Variants in SNX30 observed in about 807,000 individuals in gnomAD.
SNX30 encodes the protein sorting nexin family member 30.
In SNX30, 24 loss-of-function variants were observed where a neutral mutation model predicts 46.4. The ratio of observed to expected loss-of-function variants is 0.52; its 90% CI spans 0.37 to 0.73. The LOEUF is 0.73. Ranked by LOEUF, SNX30 falls within the 30% of genes least tolerant of loss-of-function variation. SNX30 has a pLI of 0.00. For missense variants in SNX30, 533 were observed against 555.7 expected, an observed-to-expected ratio of 0.96 and a Z score of 0.41; for synonymous variants, 189 against 211.5, an observed-to-expected ratio of 0.89 and a Z score of 0.92.
chr9:112,783,322 CT>C (rs2131377950), intron 1 of SNX30, among the ~76,000 whole-genome samples: 1 of 152,310 alleles, frequency 6.6e-6, no homozygotes, highest in African/African-American at 2.4e-5. Flanking sequence ...GGTCTGTAAC[CT>C]GTTCTCTTAA....
chr9:112,844,527 G>C (rs563617456), intron 6 of SNX30, among the ~76,000 whole-genome samples: 2 of 152,272 alleles, frequency 1.3e-5, no homozygotes, highest in East Asian at 3.9e-4. Flanking sequence ...AATATTTATT[G>C]ATCTATCACC....
intron 7 of SNX30, among the ~76,000 whole-genome samples, chr9:112,857,431 T>G (rs1327120753): frequency 6.6e-6 from 1 of 152,112 alleles, no homozygotes; most frequent in Non-Finnish European, 1.5e-5. Flanking sequence ...GTGACCAGCC[T>G]GGGGGCTCTG....
chr9:112,820,646 T>A (rs1840477299), intron 3 of SNX30, among the ~76,000 whole-genome samples: 1 of 152,168 alleles, frequency 6.6e-6, no homozygotes, highest in African/African-American at 2.4e-5. Context: ...TCAAATCTTT[T>A]TATCACCCCA....
At chr9:112,830,692 A>G (rs750643463) in intron 3 of SNX30, 33 bp from the exon 4 acceptor site, 30 of 1,591,884 alleles carry the variant, frequency 1.9e-5, no homozygotes, top group South Asian at 6.9e-5. Flanking sequence ...CATCTCATCA[A>G]TTACTCTGGT....
intron 7 of SNX30, among the ~76,000 whole-genome samples, chr9:112,855,731 C>T (rs1249153104): frequency 6.6e-6 from 1 of 152,182 alleles, no homozygotes; most frequent in African/African-American, 2.4e-5. Flanking sequence ...GCTCAGCAGA[C>T]ACTGAGGTGG....
intron 6 of SNX30, among the ~76,000 whole-genome samples, chr9:112,839,453 G>A (rs141632018): frequency 5.3e-5 from 8 of 152,260 alleles, no homozygotes; most frequent in Non-Finnish European, 8.8e-5. Flanking sequence ...GTCTAGCAGC[G>A]GTGAATGAGA....
chr9:112,766,130 T>C (rs1839533723), intron 1 of SNX30, among the ~76,000 whole-genome samples: 1 of 152,166 alleles, frequency 6.6e-6, no homozygotes, highest in African/African-American at 2.4e-5. Context: ...AGATTTTAAG[T>C]ATAAAATACA....
intron 6 of SNX30, among the ~76,000 whole-genome samples, chr9:112,845,684 C>T (rs369178305): frequency 2.2e-4 from 33 of 152,244 alleles, no homozygotes; most frequent in African/African-American, 6.5e-4. Context: ...CTGGACGGGC[C>T]AAGAGAAGTG....
rs1200728361 is a variant in SNX30, at chr9:112,871,293, C to T, written c.*2450C>T. 6.6e-6 allele frequency: 1 copy of T among 152,128 alleles called. No individual in the cohort carries two copies. Among genetic ancestry groups the T allele is most frequent in the Non-Finnish European group, 1.5e-5 (1 of 68,026 alleles). 9.4% of individuals were successfully genotyped at this position (152,128 alleles called of 1,614,324 possible). On this transcript the variant is annotated 3_prime_UTR_variant, in exon 9 of 9. Transcript: ENST00000374232. ...TCCTTCCAGAGAAAGGATTCCTTCC[C>T]AGCCTCCAGGCTGGTGTCTCATGAG...
chr9:112,874,228 A>G lies in SNX30; in HGVS notation c.*5385A>G, dbSNP rs1841487990. 2 of 152,244 alleles carry G rather than the reference A, an allele frequency of 1.3e-5. No homozygotes were observed. The highest frequency in any genetic ancestry group is 2.9e-5 in the Non-Finnish European group (2 of 68,044). The allele number at this position is 152,244 out of a possible 1,614,324, so 9.4% of individuals were successfully genotyped here. ...GCTCTGTCATCTCGGCCTTTATCCA[A>G]TAACAAACCAGCATCTCTTAAAGGC... On this transcript the variant is annotated 3_prime_UTR_variant, in exon 9 of 9. Coordinates refer to ENST00000374232, the MANE Select transcript of SNX30 (RefSeq NM_001012994.2).
At position 112,808,041 on chromosome 9, in the gene SNX30, G is replaced by A. The variant is rs143492273; in HGVS notation, c.348+3074G>A. On this transcript the variant is annotated intron_variant, in intron 2 of 8. Transcript: ENST00000374232. ...CAAACCAGAGTTGTCTTCTTTTCCTGTTTCTAATAGTGACACCAGGTTTAT... is the reference window on the plus strand; with the variant it reads ...CAAACCAGAGTTGTCTTCTTTTCCTATTTCTAATAGTGACACCAGGTTTAT... Among the ~76,000 whole-genome samples, 396 of 152,208 alleles carry A rather than the reference G, an allele frequency of 2.6e-3. 14 individuals carry two copies. The East Asian group carries it at 0.067, about 26-fold the overall frequency.
At chr9:112,787,813 T>A (rs1237283337) in intron 1 of SNX30, among the ~76,000 whole-genome samples, 1 of 151,480 alleles carries the variant, frequency 6.6e-6, no homozygotes, top group African/African-American at 2.4e-5. Flanking sequence ...TTTTTTTTTT[T>A]AAAGATGGAG....
rs1320720815 is a variant in SNX30, at chr9:112,874,770, G to A, written c.*5927G>A. ...GAGATTGTAAAATGGAAAAAGAATCGTTTTTTTGTTGACTTTTTGATGCTG... is the reference window on the plus strand; with the variant it reads ...GAGATTGTAAAATGGAAAAAGAATCATTTTTTTGTTGACTTTTTGATGCTG... On this transcript the variant is annotated 3_prime_UTR_variant, in exon 9 of 9. Coordinates refer to ENST00000374232, the MANE Select transcript of SNX30 (RefSeq NM_001012994.2). 5 of 151,154 alleles carry A rather than the reference G, an allele frequency of 3.3e-5. No homozygotes were observed. The highest frequency in any genetic ancestry group is 1.9e-4 in the East Asian group (1 of 5,164). 9.4% of individuals were successfully genotyped at this position (151,154 alleles called of 1,614,324 possible). A position where few individuals can be genotyped will look rare whatever the true frequency, so the allele number is the denominator to read the frequency against.
At chr9:112,861,116 G>A (rs1466870039) in intron 7 of SNX30, among the ~76,000 whole-genome samples, 1 of 152,208 alleles carries the variant, frequency 6.6e-6, no homozygotes, top group African/African-American at 2.4e-5. Flanking sequence ...ATAGAATGGT[G>A]CTCGTGCTGT....
rs756851387 is a variant in SNX30, at chr9:112,868,827, A to C, written c.1298A>C (p.Lys433Thr). 6.2e-7 allele frequency: 1 copy of C among 1,614,174 alleles called. No homozygotes were observed. The highest frequency in any genetic ancestry group is 1.1e-5 in the South Asian group (1 of 91,080). ...WESIIPLLQE[K>T]QEAK ...TCGATTATTCCACTACTGCAGGAGA[A>C]ACAAGAGGCCAAGTAAAGTTCTTTC... Residue 433 changes from lysine (K) to threonine (T), a missense_variant, in exon 9 of 9, where the codon AAA (lysine) becomes ACA (threonine). Physicochemically the swap from Lys to Thr is moderately conservative, Grantham distance 78. Transcript: ENST00000374232.
At chr9:112,815,183 A>G (rs1188742141) in intron 2 of SNX30, among the ~76,000 whole-genome samples, 3 of 152,088 alleles carry the variant, frequency 2.0e-5, no homozygotes, top group Non-Finnish European at 4.4e-5. Flanking sequence ...AGGAAAAAAA[A>G]AAAGCCTGTT....
intron 1 of SNX30, among the ~76,000 whole-genome samples, chr9:112,792,476 G>A (rs568375461): frequency 6.6e-6 from 1 of 152,170 alleles, no homozygotes; most frequent in South Asian, 2.1e-4. Context: ...CCAGCCTGGA[G>A]TACAATGGTG....
At chr9:112,876,398 G>A (rs1265631791), downstream of SNX30, among the ~76,000 whole-genome samples, 1 of 149,684 alleles carries the variant, frequency 6.7e-6, no homozygotes, top group Non-Finnish European at 1.5e-5. Flanking sequence ...GAGATCACTT[G>A]AGCCCAAGAG....
chr9:112,879,054 A>C (rs1219898682), downstream of SNX30: 1 of 152,196 alleles, frequency 6.6e-6, no homozygotes, highest in African/African-American at 2.4e-5. Flanking sequence ...TTTGGGAAGC[A>C]CTGTTGACTG....
Sources: gnomAD v4.1 joint callset for allele counts (sites outside exome capture counted in the v4.1 genomes callset) on GRCh38, gnomAD v4.1.1 for gene constraint, MANE v1.5 for transcripts, NCBI Gene and HGNC (gene_info 2026-07-23, HGNC 2026-07-21) for gene names.